The following TRIM24 variants were observed in gnomAD, a reference collection of about 807,000 sequenced individuals.
TRIM24 encodes the protein tripartite motif containing 24, also known as transcription intermediary factor 1-alpha.
In TRIM24, 29 loss-of-function variants were observed where a neutral mutation model predicts 123.9. That is an observed-to-expected ratio of 0.23 (90% CI 0.17 to 0.32). TRIM24 has a LOEUF of 0.32. Ranked by LOEUF, TRIM24 falls within the 10% of genes least tolerant of loss-of-function variation. TRIM24 has a pLI of 1.00. For synonymous variants in TRIM24, 456 were observed against 461.1 expected (o/e 0.99, Z 0.14); for missense variants, 932 against 1,295.3 (o/e 0.72, Z 4.31).
chr7:138,553,121 G>A (rs187283942), intron 8 of TRIM24, among the ~76,000 whole-genome samples: 2 of 152,266 alleles, frequency 1.3e-5, no homozygotes, highest in East Asian at 1.9e-4. Flanking sequence ...TTGTGAAACC[G>A]ACATAATGAA....
chr7:138,481,129 A>G (rs1415693267), intron 1 of TRIM24, among the ~76,000 whole-genome samples: 2 of 152,110 alleles, frequency 1.3e-5, no homozygotes, highest in Non-Finnish European at 2.9e-5. Flanking sequence ...AGTAGTAGGG[A>G]TTACAGGCAT....
chr7:138,462,338 C>CTTT (rs34920255), intron 1 of TRIM24, among the ~76,000 whole-genome samples: 74 of 124,386 alleles, frequency 5.9e-4, no homozygotes, highest in East Asian at 2.3e-3. Flanking sequence ...GTGCAAAAAT[C>CTTT]TTTTTTTTTT....
chr7:138,525,380 T>G (rs1796587140), intron 5 of TRIM24, 23 bp downstream of exon 5: 2 of 1,280,418 alleles, frequency 1.6e-6, no homozygotes, highest in Non-Finnish European at 2.1e-6. Context: ...TATTATGTAA[T>G]CATTTTTATA....
chr7:138,585,744 G>A lies in TRIM24; in HGVS notation c.*793G>A. Reference sequence around the variant, plus strand: ...TGGGTTTGCTGTGTGTCTATGTGAGGTTTAATTGTACAGGTGATCCTTTTA... The same window carrying A: ...TGGGTTTGCTGTGTGTCTATGTGAGATTTAATTGTACAGGTGATCCTTTTA... On this transcript the variant is annotated 3_prime_UTR_variant, in exon 19 of 19. Coordinates refer to ENST00000343526, the MANE Select transcript of TRIM24 (RefSeq NM_015905.3). 2.0e-6 allele frequency: 1 copy of A among 512,176 alleles called. No individual in the cohort carries two copies. The highest frequency in any genetic ancestry group is 3.9e-6 in the Non-Finnish European group (1 of 258,234). 31.7% of individuals were successfully genotyped at this position (512,176 alleles called of 1,614,324 possible). A position where few individuals can be genotyped will look rare whatever the true frequency, so the allele number is the denominator to read the frequency against.
At position 138,460,492 on chromosome 7, in the gene TRIM24, G is replaced by T; in HGVS notation, c.-57G>T. 8.0e-7 allele frequency: 1 copy of T among 1,255,896 alleles called. No homozygotes were observed. Among genetic ancestry groups the T allele is most frequent in the Non-Finnish European group, 1.0e-6 (1 of 1,004,138 alleles). 77.8% of individuals were successfully genotyped at this position (1,255,896 alleles called of 1,614,324 possible). ...GCCGCAGGAGGAGGAGGAGGTCGTCGGGGGCGGCGGGCGGAGACCGCGCTC... is the reference window on the plus strand; with the variant it reads ...GCCGCAGGAGGAGGAGGAGGTCGTCTGGGGCGGCGGGCGGAGACCGCGCTC... On this transcript the variant is annotated 5_prime_UTR_variant, in exon 1 of 19. Transcript: ENST00000343526.
At chr7:138,509,620 C>T (rs1796242677) in intron 2 of TRIM24, among the ~76,000 whole-genome samples, 1 of 135,118 alleles carries the variant, frequency 7.4e-6, no homozygotes, top group Admixed American at 8.4e-5. Context: ...AGGAAAATTG[C>T]TTGAACCCAG....
intron 3 of TRIM24, 119 bp downstream of exon 3, chr7:138,515,478 A>G: frequency 8.3e-7 from 1 of 1,204,254 alleles, no homozygotes; most frequent in Non-Finnish European, 1.1e-6. Context: ...TGTTTTAAGT[A>G]AAAGAGGTTT....
chr7:138,541,431 A>G (rs910591775), intron 7 of TRIM24, among the ~76,000 whole-genome samples: 8 of 152,204 alleles, frequency 5.3e-5, no homozygotes, highest in African/African-American at 7.2e-5. Context: ...GTATTTGTCA[A>G]TGAGCAGTAA....
At chr7:138,513,564 G>A (rs906230816) in intron 2 of TRIM24, among the ~76,000 whole-genome samples, 2 of 152,116 alleles carry the variant, frequency 1.3e-5, no homozygotes, top group African/African-American at 4.8e-5. Context: ...GGCAAAAAGA[G>A]AGGGGGGAGG....
chr7:138,495,042 C>T (rs1301970707), intron 1 of TRIM24, among the ~76,000 whole-genome samples: 1 of 151,954 alleles, frequency 6.6e-6, no homozygotes, highest in Non-Finnish European at 1.5e-5. Flanking sequence ...ACAACAGCAA[C>T]AACAACAAAA....
chr7:138,531,268 T>A (rs867054568), intron 6 of TRIM24, among the ~76,000 whole-genome samples: 1 of 148,388 alleles, frequency 6.7e-6, no homozygotes, highest in African/African-American at 2.6e-5. Flanking sequence ...TTACATATGT[T>A]TACATGTGTT....
intron 11 of TRIM24, among the ~76,000 whole-genome samples, chr7:138,571,787 T>C (rs1020340823): frequency 2.0e-5 from 3 of 152,194 alleles, no homozygotes; most frequent in Non-Finnish European, 4.4e-5. Context: ...CCCAGGCTGG[T>C]CTTGAACTCC....
Position 138,585,999 on chromosome 7 carries a change from A to AT in TRIM24, c.*1060dup, listed in dbSNP as rs199725947. The AT allele has an allele frequency of 0.031, 11,210 of 357,006 alleles. 5 individuals carry two copies. The highest frequency in any genetic ancestry group is 0.047 in the South Asian group (2,082 of 44,458). The allele number at this position is 357,006 out of a possible 1,614,324, so 22.1% of individuals were successfully genotyped here. A position where few individuals can be genotyped will look rare whatever the true frequency, so the allele number is the denominator to read the frequency against. On this transcript the variant is annotated 3_prime_UTR_variant, in exon 19 of 19. Transcript: ENST00000343526. ...AGGCAGCTGGGGGGAATTAATAGTG[A>AT]TTTTTTTTTTTTCCTGAAGCATCTA... is the stretch of plus-strand genomic sequence containing the variant.
rs938703908 is a variant in TRIM24 at position 138,571,127 on chromosome 7, C to T, written c.1878+124C>T. The T allele has an allele frequency of 9.8e-5, 93 of 944,948 alleles. No homozygotes were observed. The Admixed American group carries it at 1.6e-3, about 17-fold the overall frequency. The allele number at this position is 944,948 out of a possible 1,614,324, so 58.5% of individuals were successfully genotyped here. On this transcript the variant is annotated intron_variant, in intron 11 of 18. Coordinates refer to ENST00000343526, the MANE Select transcript of TRIM24 (RefSeq NM_015905.3). ...GACAGATTACTTGAGGTCAGGAGTT[C>T]GAGACTAGCCTGGCCAACATGGTGA...
chr7:138,515,057 T>TA (rs1412936785), intron 2 of TRIM24, among the ~76,000 whole-genome samples, 155 bp from the exon 3 acceptor site: 1 of 152,236 alleles, frequency 6.6e-6, no homozygotes, highest in Non-Finnish European at 1.5e-5. Context: ...CTTATGTGTA[T>TA]AATGTAACAC....
intron 6 of TRIM24, 68 bp from the exon 7 acceptor site, chr7:138,538,589 C>T: frequency 3.3e-6 from 5 of 1,506,108 alleles, no homozygotes; most frequent in Admixed American, 1.8e-5. Context: ...ATTTGTTTAC[C>T]TGGAAATGAC....
intron 6 of TRIM24, among the ~76,000 whole-genome samples, chr7:138,531,939 G>A (rs1796756143): frequency 6.6e-6 from 1 of 152,076 alleles, no homozygotes; most frequent in East Asian, 1.9e-4. Flanking sequence ...ATCTCATTGT[G>A]GTTTTGATTT....
rs528249063 is a variant in TRIM24 at position 138,485,288 on chromosome 7, A to G, written c.365-19002A>G. Among the ~76,000 whole-genome samples the G allele has an allele frequency of 2.6e-4, 39 of 152,270 alleles. No individual in the cohort carries two copies. The South Asian group carries it at 6.8e-3, about 27-fold the overall frequency. On this transcript the variant is annotated intron_variant, in intron 1 of 18. Coordinates refer to ENST00000343526, the MANE Select transcript of TRIM24 (RefSeq NM_015905.3). ...AGTATATAATTCTGTGGCATTAAGT[A>G]CATTCATAGTGTTCTGTAACTTTCA...
chr7:138,570,970 GGGA>G lies in TRIM24; in HGVS notation c.1848_1850del (p.Gly617del). 19 of 1,614,048 alleles carry G rather than the reference GGGA, an allele frequency of 1.2e-5. No individual in the cohort carries two copies. The highest frequency in any genetic ancestry group is 1.6e-5 in the Non-Finnish European group (19 of 1,179,970). Reference sequence around the variant, plus strand: ...CTATGATCGATTTGAGCTCACCAGTGGGAGGGTCTTATAATCTTCCCTCTCTTC... The same window carrying G: ...CTATGATCGATTTGAGCTCACCAGTGGGGTCTTATAATCTTCCCTCTCTTC... On this transcript the variant is annotated inframe_deletion, in exon 11 of 19. Transcript: ENST00000343526.
Sources: gnomAD v4.1 joint callset for allele counts (sites outside exome capture counted in the v4.1 genomes callset) on GRCh38, gnomAD v4.1.1 for gene constraint, MANE v1.5 for transcripts, NCBI Gene and HGNC (gene_info 2026-07-23, HGNC 2026-07-21) for gene names.